Variants in YWHAE observed in about 807,000 individuals in gnomAD.
The protein encoded by YWHAE is tyrosine 3-monooxygenase/tryptophan 5-monooxygenase activation protein epsilon.
YWHAE carries 4 observed loss-of-function variants against 30.1 expected under a neutral mutation model. The ratio of observed to expected loss-of-function variants is 0.13; its 90% CI spans 0.07 to 0.30. The LOEUF is 0.30. Among genes scored for constraint, YWHAE ranks in the 10% least tolerant of loss-of-function variants. The pLI, the probability that YWHAE is intolerant of heterozygous loss-of-function variation, is 1.00. For missense variants in YWHAE, 121 were observed against 315.9 expected (o/e 0.38, Z 4.68); for synonymous variants, 118 against 111.8 (o/e 1.06, Z -0.35).
chr17:1,399,319 G>A (rs994077005), intron 1 of YWHAE: 1 of 152,264 alleles, frequency 6.6e-6, no homozygotes, highest in Non-Finnish European at 1.5e-5. Flanking sequence ...AAGACGACGA[G>A]GAGGAAAAGC....
intron 1 of YWHAE, among the ~76,000 whole-genome samples, chr17:1,368,250 T>G (rs1333293904): frequency 6.6e-6 from 1 of 152,026 alleles, no homozygotes; most frequent in Middle Eastern, 3.2e-3. Flanking sequence ...TGGTGGCACA[T>G]GCCTGTAATC....
chr17:1,365,113 T>C (rs1279810820), intron 1 of YWHAE, 55 bp from the exon 2 acceptor site: 6 of 1,551,520 alleles, frequency 3.9e-6, no homozygotes, highest in Non-Finnish European at 2.6e-6. Flanking sequence ...TCTTAACATA[T>C]TCCTTTCAAA....
In YWHAE at chr17:1,355,139, A is replaced by T. The variant is rs1406045023; in HGVS notation, c.579-792T>A. 9.0e-3 allele frequency among the ~76,000 whole-genome samples: 980 copies of T among 108,614 alleles called. 11 individuals carry two copies. The highest frequency in any genetic ancestry group is 0.044 in the East Asian group (153 of 3,460). 71.3% of individuals were successfully genotyped at this position (108,614 alleles called of 152,430 possible). A position where few individuals can be genotyped will look rare whatever the true frequency, so the allele number is the denominator to read the frequency against. ...TTTAAAAAAAAAAAAAAAAAAAAAA[A>T]AAAAAAAAATTTTTTTTTTTTTTTT... On this transcript the variant is annotated intron_variant, in intron 4 of 5. Coordinates refer to ENST00000264335, the MANE Select transcript of YWHAE (RefSeq NM_006761.5).
chr17:1,347,331 C>CAAA (rs556974192), intron 5 of YWHAE, among the ~76,000 whole-genome samples: 2 of 113,504 alleles, frequency 1.8e-5, no homozygotes, highest in African/African-American at 3.3e-5. Flanking sequence ...GACTCCGTCT[C>CAAA]AAAAAAAAAA....
intron 1 of YWHAE, among the ~76,000 whole-genome samples, chr17:1,386,363 T>TAGGAACAG (rs1429041519): frequency 2.0e-5 from 3 of 152,152 alleles, no homozygotes; most frequent in African/African-American, 7.2e-5. Context: ...TAATTACACA[T>TAGGAACAG]AGGAACAGAG....
At chr17:1,353,996 G>A (rs558829113) in intron 5 of YWHAE, among the ~76,000 whole-genome samples, 4 of 152,128 alleles carry the variant, frequency 2.6e-5, no homozygotes, top group South Asian at 4.1e-4. Flanking sequence ...CTCAACCTTT[G>A]AAACAGTGTA....
intron 1 of YWHAE, among the ~76,000 whole-genome samples, chr17:1,390,436 AAT>A (rs1271025820): frequency 6.6e-6 from 1 of 152,228 alleles, no homozygotes; most frequent in African/African-American, 2.4e-5. Context: ...GTTATCATCT[AAT>A]ATGATCCTAG....
At chr17:1,398,290 GAAAT>G (rs2073504499) in intron 1 of YWHAE, among the ~76,000 whole-genome samples, 1 of 151,134 alleles carries the variant, frequency 6.6e-6, no homozygotes, top group Admixed American at 6.6e-5. Context: ...TTTAAACACT[GAAAT>G]AAAGACAAAG....
chr17:1,380,243 C>T (rs533722533), intron 1 of YWHAE, among the ~76,000 whole-genome samples: 205 of 151,934 alleles, frequency 1.3e-3, no homozygotes, highest in Middle Eastern at 0.01. Context: ...TCCGAAGTAG[C>T]TGGGATTACA....
At chr17:1,371,119 C>G (rs966227695) in intron 1 of YWHAE, among the ~76,000 whole-genome samples, 8 of 152,146 alleles carry the variant, frequency 5.3e-5, no homozygotes, top group African/African-American at 7.2e-5. Flanking sequence ...GAGTCACACT[C>G]TGTCACCCAA....
chr17:1,398,369 T>C (rs373215633), intron 1 of YWHAE, among the ~76,000 whole-genome samples: 58 of 136,134 alleles, frequency 4.3e-4, no homozygotes, highest in African/African-American at 1.5e-3. Context: ...TGAATACAAA[T>C]AGCAATTTAA....
At chr17:1,378,231 T>A (rs2073152853) in intron 1 of YWHAE, among the ~76,000 whole-genome samples, 1 of 152,220 alleles carries the variant, frequency 6.6e-6, no homozygotes, top group Non-Finnish European at 1.5e-5. Context: ...AATTGGATAC[T>A]TCTGACCCCA....
rs577140394 is a variant in YWHAE, at chr17:1,391,666, G to C, written c.64+8381C>G. Reference sequence around the variant, plus strand: ...TGTTGGCAACCAATTCGTCAATTTGGATATATCAATACCTAAATATATCAA... The same window carrying C: ...TGTTGGCAACCAATTCGTCAATTTGCATATATCAATACCTAAATATATCAA... On this transcript the variant is annotated intron_variant, in intron 1 of 5. Coordinates refer to ENST00000264335, the MANE Select transcript of YWHAE (RefSeq NM_006761.5). Among the ~76,000 whole-genome samples, 5 of 152,190 alleles carry C rather than the reference G, an allele frequency of 3.3e-5. 1 individual carries two copies. In the East Asian group the frequency reaches 9.6e-4, roughly 29 times the overall value.
chr17:1,376,280 T>C (rs2073120179), intron 1 of YWHAE, among the ~76,000 whole-genome samples: 1 of 152,056 alleles, frequency 6.6e-6, no homozygotes, highest in Non-Finnish European at 1.5e-5. Context: ...TACTAAAATG[T>C]GGTTGAGACC....
At position 1,345,467 on chromosome 17, in the gene YWHAE, C is replaced by A. The variant is rs1163589773; in HGVS notation, c.748G>T (p.Val250Leu). The A allele has an allele frequency of 3.7e-6, 6 of 1,613,682 alleles. No individual in the cohort carries two copies. Among genetic ancestry groups the A allele is most frequent in the Non-Finnish European group, 5.1e-6 (6 of 1,179,832 alleles). The change falls in exon 6 of 6, where the codon GTG becomes TTG. Residue 250 changes from valine (V) to leucine (L), a missense_variant. Physicochemically the swap from Val to Leu is conservative, Grantham distance 32. This residue lies in a region of YWHAE where 22 missense variants were observed against 26.6 expected (regional missense o/e 0.83). Coordinates refer to ENST00000264335, the MANE Select transcript of YWHAE (RefSeq NM_006761.5). ...EEQNKEALQDVEDENQ is the reference protein window; with the variant it reads ...EEQNKEALQDLEDENQ ...ATGTCTCACTGATTTTCGTCTTCCA[C>A]GTCCTGCAGCGCTTCTTTATTCTGC... is the stretch of plus-strand genomic sequence containing the variant.
chr17:1,355,592 C>T (rs2072727262), intron 4 of YWHAE, among the ~76,000 whole-genome samples: 1 of 151,942 alleles, frequency 6.6e-6, no homozygotes, highest in African/African-American at 2.4e-5. Context: ...AAGCCATTTA[C>T]AGTTTTAAAA....
At chr17:1,378,021 C>G (rs1414040247) in intron 1 of YWHAE, among the ~76,000 whole-genome samples, 2 of 152,180 alleles carry the variant, frequency 1.3e-5, no homozygotes, top group Admixed American at 6.5e-5. Context: ...TGCACTCCAG[C>G]CTGGGCAACA....
chr17:1,353,920 C>T (rs541231679), intron 5 of YWHAE, among the ~76,000 whole-genome samples: 2 of 152,272 alleles, frequency 1.3e-5, no homozygotes, highest in South Asian at 4.1e-4. Flanking sequence ...ATACACTTAA[C>T]TTCAGCCCCC....
intron 1 of YWHAE, among the ~76,000 whole-genome samples, chr17:1,396,702 C>T (rs1430002583): frequency 1.3e-5 from 2 of 152,184 alleles, no homozygotes; most frequent in East Asian, 1.9e-4. Context: ...CTCGGCTCAC[C>T]GCAACCTCGG....
Sources: allele counts gnomAD v4.1 joint callset (sites outside exome capture counted in the v4.1 genomes callset), GRCh38; gene constraint gnomAD v4.1.1; regional missense constraint gnomAD v4.1.1; transcripts MANE v1.5; gene names NCBI Gene and HGNC (gene_info 2026-07-23, HGNC 2026-07-21).